C9orf78: variants seen among roughly 807,000 people sequenced by gnomAD.
C9orf78 encodes the protein chromosome 9 open reading frame 78.
A neutral mutation model predicts 37.4 loss-of-function variants in C9orf78; 19 were observed. The ratio of observed to expected loss-of-function variants is 0.51; its 90% CI spans 0.35 to 0.74. The LOEUF (loss-of-function observed/expected upper bound fraction) is 0.74. C9orf78 is among the 30% of genes least tolerant of loss of function. C9orf78 has a pLI of 0.01. For synonymous variants in C9orf78, 130 were observed against 128.0 expected (o/e 1.02, Z -0.10); for missense variants, 291 against 370.8 (o/e 0.78, Z 1.77).
chr9:129,831,843 C>T, intron 5 of C9orf78, 53 bp downstream of exon 5: 2 of 859,570 alleles, frequency 2.3e-6, no homozygotes, highest in Non-Finnish European at 4.1e-6. Context: ...ATATCTTGGA[C>T]TCTGACTGGA....
chr9:129,832,815 G>T (rs1274975036), intron 4 of C9orf78, among the ~76,000 whole-genome samples: 1 of 143,858 alleles, frequency 7.0e-6, no homozygotes, highest in African/African-American at 2.6e-5. Context: ...TTTGAGACAG[G>T]GTCTTTCTCT....
At chr9:129,833,391 C>A in intron 4 of C9orf78, 56 bp downstream of exon 4, 2 of 1,033,420 alleles carry the variant, frequency 1.9e-6, no homozygotes, top group Non-Finnish European at 3.1e-6. Flanking sequence ...CTGAGGGAAC[C>A]TAGACCCAGG....
Position 129,827,484 on chromosome 9 carries a change from T to C in C9orf78, c.*677A>G, listed in dbSNP as rs1588221051. ...CCCAGACACGTGAAAGCAGAAGACATGATGCATCTATAATAATGAAAGCAC... is the reference window on the plus strand; with the variant it reads ...CCCAGACACGTGAAAGCAGAAGACACGATGCATCTATAATAATGAAAGCAC... On this transcript the variant is annotated 3_prime_UTR_variant, in exon 9 of 9. Transcript: ENST00000372447. 1 of 152,230 alleles carries C rather than the reference T, an allele frequency of 6.6e-6. No homozygotes were observed. The highest frequency in any genetic ancestry group is 3.4e-3 in the Middle Eastern group (1 of 294). The allele number at this position is 152,230 out of a possible 1,614,324, so 9.4% of individuals were successfully genotyped here. A position where few individuals can be genotyped will look rare whatever the true frequency, so the allele number is the denominator to read the frequency against.
chr9:129,831,743 G>A (rs2031502873), intron 5 of C9orf78, 153 bp downstream of exon 5: 2 of 650,744 alleles, frequency 3.1e-6, no homozygotes, highest in African/African-American at 1.8e-5. Flanking sequence ...CTTTTAAGAG[G>A]TTTTCAAAGT....
At chr9:129,828,558 G>C (rs35168956) in intron 8 of C9orf78, 1 of 243,692 alleles carries the variant, frequency 4.1e-6, no homozygotes, top group Admixed American at 5.1e-5. Flanking sequence ...TGAGTAGCTG[G>C]GATTACAGGC....
intron 4 of C9orf78, among the ~76,000 whole-genome samples, chr9:129,833,221 C>T (rs568359671): frequency 7.9e-5 from 12 of 151,614 alleles, no homozygotes; most frequent in South Asian, 2.1e-4. Context: ...TGAGTCATCA[C>T]GCCTACAATA....
rs370957981 is a variant in C9orf78 at position 129,834,727 on chromosome 9, C to T, written c.123G>A (p.Arg41=). ...LEETREVQNL[R]KRPNGVSAVA... ...CCCACCTCACCCCGTTGGGCCTCTT[C>T]CTCAAGTTCTGTACCTCTCTGGTCT... Residue 41 remains arginine, a synonymous_variant, in exon 2 of 9, where the codon AGG becomes AGA. Coordinates refer to ENST00000372447, the MANE Select transcript of C9orf78 (RefSeq NM_016520.3). 27 of 1,612,600 alleles carry T rather than the reference C, an allele frequency of 1.7e-5. No individual in the cohort carries two copies. The Middle Eastern group carries it at 8.3e-4, about 50-fold the overall frequency.
intron 4 of C9orf78, among the ~76,000 whole-genome samples, chr9:129,832,807 T>C (rs1186539449): frequency 6.6e-6 from 1 of 152,060 alleles, no homozygotes; most frequent in Non-Finnish European, 1.5e-5. Flanking sequence ...TTTATTTTTT[T>C]GAGACAGGGT....
intron 6 of C9orf78, 71 bp from the exon 7 acceptor site, chr9:129,829,612 C>T (rs2031439970): frequency 7.1e-7 from 1 of 1,398,914 alleles, no homozygotes; most frequent in Non-Finnish European, 1.0e-6. Flanking sequence ...AGTGGTGAGG[C>T]TGGCAGCCCA....
Position 129,828,191 on chromosome 9 carries a change from C to T in C9orf78, c.840G>A (p.Glu280=), listed in dbSNP as rs200550820. The T allele has an allele frequency of 8.1e-6, 13 of 1,605,520 alleles. No individual in the cohort carries two copies. The East Asian group carries it at 2.7e-4, about 33-fold the overall frequency. ...NEKATDDYHY[E]KFKKMNRRY ...ACCGCCTATTCATTTTCTTGAACTT[C>T]TCATAATGATAGTCATCAGTTGCCT... Residue 280 remains glutamate, a synonymous_variant, in exon 9 of 9, where the codon GAG becomes GAA. Transcript: ENST00000372447.
chr9:129,833,495 G>A lies in C9orf78; in HGVS notation c.218C>T (p.Thr73Ile). 2 of 1,603,842 alleles carry A rather than the reference G, an allele frequency of 1.2e-6. No homozygotes were observed. The highest frequency in any genetic ancestry group is 1.7e-6 in the Non-Finnish European group (2 of 1,170,802). The change falls in exon 4 of 9, where the codon ACA (threonine) becomes ATA (isoleucine). Residue 73 changes from threonine (T) to isoleucine (I), a missense_variant. Coordinates refer to ENST00000372447, the MANE Select transcript of C9orf78 (RefSeq NM_016520.3). ...TLVDDPFQMK[T>I]GGMVDMKKLK... is the part of the protein sequence containing the mutation. Reference sequence around the variant, plus strand: ...TTTCTTCATATCCACCATACCACCTGTCTTCATCTGAAAGGGATCATCCTG... The same window carrying A: ...TTTCTTCATATCCACCATACCACCTATCTTCATCTGAAAGGGATCATCCTG...
At chr9:129,830,813 C>G in intron 6 of C9orf78, 58 bp downstream of exon 6, 1 of 1,239,526 alleles carries the variant, frequency 8.1e-7, no homozygotes, top group Non-Finnish European at 1.2e-6. Context: ...CCTGGCCTGT[C>G]CCCCATAACT....
chr9:129,833,744 G>C lies in C9orf78; in HGVS notation c.144-35C>G, dbSNP rs1371375334. 3.3e-6 allele frequency: 5 copies of C among 1,510,230 alleles called. No homozygotes were observed. The African/African-American group carries it at 6.9e-5, about 21-fold the overall frequency. 93.6% of individuals were successfully genotyped at this position (1,510,230 alleles called of 1,614,324 possible). On this transcript the variant is annotated intron_variant, in intron 2 of 8. Transcript: ENST00000372447. ...ACCAAAAAAAAAAGAGAGGGGGAGA[G>C]AGAGAAATGGCATAATTCAGAGATA...
chr9:129,828,950 C>T (rs1350542034), intron 8 of C9orf78: 1 of 568,756 alleles, frequency 1.8e-6, no homozygotes, highest in South Asian at 2.0e-5. Flanking sequence ...CTTCTTGAGT[C>T]TCTACTGTGC....
chr9:129,832,409 A>AT (rs1564188398), intron 4 of C9orf78, among the ~76,000 whole-genome samples: 1 of 152,200 alleles, frequency 6.6e-6, no homozygotes, highest in Non-Finnish European at 1.5e-5. Flanking sequence ...GTAAACTTTT[A>AT]TTTTTTTAAT....
intron 4 of C9orf78, 31 bp downstream of exon 4, chr9:129,833,416 G>A: frequency 7.2e-7 from 1 of 1,386,490 alleles, no homozygotes. Flanking sequence ...CGCTAAAGGT[G>A]AATTTGCATC....
intron 2 of C9orf78, 162 bp from the exon 3 acceptor site, chr9:129,833,871 A>AG: frequency 4.9e-6 from 3 of 615,622 alleles, no homozygotes; most frequent in Non-Finnish European, 8.6e-6. Context: ...AGCATAAGAC[A>AG]GGGCTCAACG....
chr9:129,828,191 C>G lies in C9orf78; in HGVS notation c.840G>C (p.Glu280Asp). 6.2e-7 allele frequency: 1 copy of G among 1,605,520 alleles called. No individual in the cohort carries two copies. Among genetic ancestry groups the G allele is most frequent in the African/African-American group, 1.3e-5 (1 of 74,808 alleles). The change falls in exon 9 of 9, where the codon GAG becomes GAC. Residue 280 changes from glutamate (E) to aspartate (D), a missense_variant. Transcript: ENST00000372447. ...NEKATDDYHY[E>D]KFKKMNRRY Reference sequence around the variant, plus strand: ...ACCGCCTATTCATTTTCTTGAACTTCTCATAATGATAGTCATCAGTTGCCT... The same window carrying G: ...ACCGCCTATTCATTTTCTTGAACTTGTCATAATGATAGTCATCAGTTGCCT...
At chr9:129,829,629 C>A in intron 6 of C9orf78, 88 bp from the exon 7 acceptor site, 1 of 1,188,936 alleles carries the variant, frequency 8.4e-7, no homozygotes, top group Non-Finnish European at 1.2e-6. Context: ...CCCAGCAGTA[C>A]ATAAGAAAAT....
Sources: allele counts gnomAD v4.1 joint callset (sites outside exome capture counted in the v4.1 genomes callset), GRCh38; gene constraint gnomAD v4.1.1; transcripts MANE v1.5; gene names NCBI Gene and HGNC (gene_info 2026-07-23, HGNC 2026-07-21).